Variants in FUT9 observed in about 807,000 individuals in gnomAD.
FUT9 encodes fucosyltransferase 9.
A neutral mutation model predicts 29.7 loss-of-function variants in FUT9; 15 were observed. That is an observed-to-expected ratio of 0.51 (90% CI 0.34 to 0.78). The LOEUF (loss-of-function observed/expected upper bound fraction) is 0.78, where lower values mean the gene tolerates loss of function less well. Ranked by LOEUF, FUT9 falls within the 30% of genes least tolerant of loss-of-function variation. FUT9 has a pLI of 0.01. For synonymous variants in FUT9, 169 were observed against 153.7 expected, an observed-to-expected ratio of 1.10 and a Z score of -0.74; for missense variants, 319 against 425.4, an observed-to-expected ratio of 0.75 and a Z score of 2.20.
At chr6:96,097,256 C>T (rs1771516224) in intron 1 of FUT9, among the ~76,000 whole-genome samples, 1 of 152,212 alleles carries the variant, frequency 6.6e-6, no homozygotes, top group South Asian at 2.1e-4. Context: ...AACCCTGGCA[C>T]CTAATATAGT....
At chr6:96,160,697 T>G (rs1772881601) in intron 2 of FUT9, among the ~76,000 whole-genome samples, 1 of 152,176 alleles carries the variant, frequency 6.6e-6, no homozygotes, top group Admixed American at 6.5e-5. Flanking sequence ...CATAGATAAC[T>G]AGCTCTTATC....
intron 1 of FUT9, among the ~76,000 whole-genome samples, chr6:96,090,259 TA>T (rs2127953587): frequency 6.6e-6 from 1 of 152,068 alleles, no homozygotes; most frequent in South Asian, 2.1e-4. Flanking sequence ...ACACAGTCAA[TA>T]AAAAAGTACT....
At chr6:96,174,112 C>T (rs1024566775) in intron 2 of FUT9, among the ~76,000 whole-genome samples, 15 of 152,010 alleles carry the variant, frequency 9.9e-5, no homozygotes, top group Non-Finnish European at 4.4e-5. Flanking sequence ...ATGGGTTTTG[C>T]AGTCACAGAC....
intron 1 of FUT9, among the ~76,000 whole-genome samples, chr6:96,018,164 C>G (rs1410032937): frequency 3.3e-5 from 5 of 149,544 alleles, no homozygotes; most frequent in African/African-American, 1.3e-4. Context: ...TAGGGCTTGA[C>G]TGAGAACATT....
chr6:96,107,834 C>G (rs547302599), intron 1 of FUT9, among the ~76,000 whole-genome samples: 59 of 152,254 alleles, frequency 3.9e-4, no homozygotes, highest in African/African-American at 1.4e-3. Context: ...ATCCTATTCA[C>G]TTTAACTATA....
intron 1 of FUT9, among the ~76,000 whole-genome samples, chr6:96,019,260 T>G (rs1582409125): frequency 6.6e-6 from 1 of 151,976 alleles, no homozygotes; most frequent in East Asian, 1.9e-4. Context: ...GCTAAACAAT[T>G]TAGTGTCTTA....
chr6:96,106,027 T>C (rs1201646758), intron 1 of FUT9, among the ~76,000 whole-genome samples: 1 of 152,198 alleles, frequency 6.6e-6, no homozygotes, highest in Admixed American at 6.5e-5. Context: ...TGGGATAACC[T>C]GTTCAATGAA....
Position 96,206,002 on chromosome 6 carries a change from TAA to T in FUT9, c.*1768_*1769del, listed in dbSNP as rs1186861215. 1.8e-5 allele frequency: 3 copies of T among 166,998 alleles called. No individual in the cohort carries two copies. Among genetic ancestry groups the T allele is most frequent in the Non-Finnish European group, 4.4e-5 (3 of 68,104 alleles). 10.3% of individuals were successfully genotyped at this position (166,998 alleles called of 1,614,324 possible). A position where few individuals can be genotyped will look rare whatever the true frequency, so the allele number is the denominator to read the frequency against. ...GGCACTGCCTTAACACCCACAGAGA[TAA>T]GATGAACAAGGTACTATCACTGCCT... On this transcript the variant is annotated 3_prime_UTR_variant, in exon 3 of 3. Transcript: ENST00000302103.
At chr6:96,173,192 G>A (rs925910409) in intron 2 of FUT9, among the ~76,000 whole-genome samples, 2 of 152,018 alleles carry the variant, frequency 1.3e-5, no homozygotes, top group East Asian at 3.9e-4. Flanking sequence ...GCTCCCACTT[G>A]TCATTTAAGT....
Position 96,205,306 on chromosome 6 carries a change from T to C in FUT9, c.*1071T>C, listed in dbSNP as rs1383493353. 2 of 167,014 alleles carry C rather than the reference T, an allele frequency of 1.2e-5. No individual in the cohort carries two copies. Among genetic ancestry groups the C allele is most frequent in the African/African-American group, 2.4e-5 (1 of 41,438 alleles). The allele number at this position is 167,014 out of a possible 1,614,324, so 10.3% of individuals were successfully genotyped here. A position where few individuals can be genotyped will look rare whatever the true frequency, so the allele number is the denominator to read the frequency against. On this transcript the variant is annotated 3_prime_UTR_variant, in exon 3 of 3. Coordinates refer to ENST00000302103, the MANE Select transcript of FUT9 (RefSeq NM_006581.4). ...CGTTAAATATAATAAAGTGGGGATA[T>C]ATAGAAAACACACAGTGTTAGCACA...
intron 2 of FUT9, among the ~76,000 whole-genome samples, chr6:96,149,336 C>T (rs542511135): frequency 1.0e-5 from 1 of 98,816 alleles, no homozygotes; most frequent in Admixed American, 1.2e-4. Flanking sequence ...AAGTTTAAGG[C>T]AGACAAAAAA....
chr6:96,051,710 A>C (rs776371769), intron 1 of FUT9, among the ~76,000 whole-genome samples: 5 of 151,978 alleles, frequency 3.3e-5, no homozygotes, highest in Admixed American at 6.6e-5. Flanking sequence ...GTAAACTGGA[A>C]ATTTGCAAAT....
intron 2 of FUT9, among the ~76,000 whole-genome samples, chr6:96,153,523 T>C (rs1176550489): frequency 6.6e-6 from 1 of 152,192 alleles, no homozygotes; most frequent in Non-Finnish European, 1.5e-5. Flanking sequence ...AATTGAGAAA[T>C]ATTCTGAAAA....
At chr6:96,019,586 A>C (rs1374499433) in intron 1 of FUT9, among the ~76,000 whole-genome samples, 5 of 152,232 alleles carry the variant, frequency 3.3e-5, no homozygotes, top group South Asian at 4.1e-4. Flanking sequence ...ATATTTCAAA[A>C]TAAGCATGAT....
At chr6:96,121,403 C>CT (rs907549132) in intron 2 of FUT9, among the ~76,000 whole-genome samples, 13 of 152,150 alleles carry the variant, frequency 8.5e-5, no homozygotes, top group Admixed American at 5.2e-4. Context: ...CTATCATTTC[C>CT]TTATAGCTAC....
intron 1 of FUT9, among the ~76,000 whole-genome samples, chr6:96,022,948 C>T (rs1473881590): frequency 1.3e-5 from 2 of 151,766 alleles, no homozygotes; most frequent in Non-Finnish European, 2.9e-5. Context: ...CTTACGTTTT[C>T]CTGGGGCTCC....
chr6:96,180,265 A>C (rs1166643184), intron 2 of FUT9, among the ~76,000 whole-genome samples: 1 of 152,094 alleles, frequency 6.6e-6, no homozygotes. Context: ...TACATGCACA[A>C]ATCTAGCATA....
intron 1 of FUT9, among the ~76,000 whole-genome samples, chr6:96,033,126 A>C (rs1171914030): frequency 6.6e-6 from 1 of 151,716 alleles, no homozygotes; most frequent in East Asian, 1.9e-4. Flanking sequence ...TTATGCAGAT[A>C]AAAAGAAAGG....
chr6:96,097,669 C>G (rs1404657481), intron 1 of FUT9, among the ~76,000 whole-genome samples: 2 of 152,042 alleles, frequency 1.3e-5, no homozygotes, highest in African/African-American at 4.8e-5. Context: ...GGACATAGTT[C>G]AATTTCTTAC....
Sources: allele counts gnomAD v4.1 joint callset (sites outside exome capture counted in the v4.1 genomes callset), GRCh38; gene constraint gnomAD v4.1.1; transcripts MANE v1.5; gene names NCBI Gene and HGNC (gene_info 2026-07-23, HGNC 2026-07-21).